The following RASAL1 variants were observed in gnomAD, a reference collection of about 807,000 sequenced individuals.
RASAL1 encodes the protein rasGAP-activating-like protein 1.
In RASAL1, 72 loss-of-function variants were observed where a neutral mutation model predicts 96.6. The observed-to-expected ratio is 0.75, with a 90% CI of 0.62 to 0.91. The LOEUF (loss-of-function observed/expected upper bound fraction) is 0.91, where lower values mean the gene tolerates loss of function less well. Ranked by LOEUF, RASAL1 falls within the 40% of genes least tolerant of loss-of-function variation. The pLI, the probability that RASAL1 is intolerant of heterozygous loss-of-function variation, is 0.00. For missense variants in RASAL1, 1,016 were observed against 1,072.5 expected (o/e 0.95, Z 0.74); for synonymous variants, 405 against 430.4 (o/e 0.94, Z 0.73).
chr12:113,103,379 G>A (rs1950529599), intron 18 of RASAL1, among the ~76,000 whole-genome samples: 1 of 152,084 alleles, frequency 6.6e-6, no homozygotes, highest in Non-Finnish European at 1.5e-5. Context: ...GCCGAGGAGG[G>A]CTTATCACCT....
In RASAL1 at chr12:113,117,098, A is replaced by G; in HGVS notation, c.706T>C (p.Phe236Leu). ...PPKGWFRLLP[F>L]PRAEEDSGGN... ...CCAGAATCCTCCTCGGCTCTGGGAA[A>G]GGGCAGGAGGCGGAACCAGCCTTTA... The change falls in exon 8 of 21, where the codon TTT (phenylalanine) becomes CTT (leucine). Residue 236 changes from phenylalanine to leucine, a missense_variant. Phe to Leu is a conservative substitution (Grantham distance 22, BLOSUM62 0). Coordinates refer to ENST00000548055, the MANE Select transcript of RASAL1 (RefSeq NM_001301202.2). The G allele has an allele frequency of 6.2e-7, 1 of 1,609,278 alleles. No individual in the cohort carries two copies. The highest frequency in any genetic ancestry group is 8.5e-7 in the Non-Finnish European group (1 of 1,176,512).
rs2305908 is a variant in RASAL1 at position 113,128,084 on chromosome 12, G to A, written c.217C>T (p.Leu73=). 6.3e-3 allele frequency: 10,218 copies of A among 1,613,904 alleles called. 758 individuals carry two copies. The East Asian group carries it at 0.18, about 28-fold the overall frequency. ...ACAAACCCGACAGTGTCCTCATCCA[G>A]CACGTAGAAGGCCAGCTGGTGGAAA... The part of the protein sequence containing the change: ...LDFHQLAFYV[L]DEDTVGHDDI... Residue 73 remains leucine (L), a synonymous_variant, in exon 3 of 21, where the codon CTG becomes TTG. Transcript: ENST00000548055.
At chr12:113,105,636 T>C in intron 16 of RASAL1, 78 bp downstream of exon 16, 1 of 1,444,108 alleles carries the variant, frequency 6.9e-7, no homozygotes, top group Non-Finnish European at 9.3e-7. Context: ...GGGCCTCAGT[T>C]TCCCCCTGGG....
chr12:113,112,314 A>G, intron 12 of RASAL1, 36 bp from the exon 13 acceptor site: 2 of 1,247,260 alleles, frequency 1.6e-6, no homozygotes, highest in Middle Eastern at 4.2e-4. Context: ...GCCTCGGGGC[A>G]CAACATCTGC....
In RASAL1 at chr12:113,100,678, A is replaced by G. The variant is rs373150116; in HGVS notation, c.2228T>C (p.Leu743Pro). Residue 743 changes from leucine (L) to proline (P), a missense_variant and splice_region_variant, in exon 20 of 21, where the codon CTG becomes CCG. Leu to Pro is a moderately conservative substitution (Grantham distance 98, BLOSUM62 -3). Coordinates refer to ENST00000548055, the MANE Select transcript of RASAL1 (RefSeq NM_001301202.2). ...QLLLGRDQLR[L>P]KLLEDSNMDT... ...CATGTTAGAATCCTCCAGTAATTTC[A>G]GCCTGGAAGGTAAGAGGGAGAAAGA... is the stretch of plus-strand genomic sequence containing the variant. The G allele has an allele frequency of 5.6e-6, 9 of 1,608,606 alleles. No individual in the cohort carries two copies. The highest frequency in any genetic ancestry group is 1.3e-5 in the African/African-American group (1 of 74,788).
rs73207027 is a variant in RASAL1, at chr12:113,121,642, A to G, written c.299-4T>C. The G allele has an allele frequency of 0.14, 231,093 of 1,613,884 alleles. 17,764 individuals carry two copies. Among genetic ancestry groups the G allele is most frequent in the Middle Eastern group, 0.17 (1,033 of 6,062 alleles). Reference sequence around the variant, plus strand: ...AAGTTAATCCAGCTGTCAATCCCTGAAGGGCACAGGCACTAACATTTATGA... The same window carrying G: ...AAGTTAATCCAGCTGTCAATCCCTGGAGGGCACAGGCACTAACATTTATGA... On this transcript the variant is annotated splice_region_variant and splice_polypyrimidine_tract_variant and intron_variant, in intron 4 of 20. Coordinates refer to ENST00000548055, the MANE Select transcript of RASAL1 (RefSeq NM_001301202.2).
chr12:113,122,427 G>A (rs773884790), intron 4 of RASAL1, among the ~76,000 whole-genome samples: 11 of 152,132 alleles, frequency 7.2e-5, no homozygotes, highest in Non-Finnish European at 1.0e-4. Context: ...AGGCTTAAGC[G>A]ATCCTCCTGC....
intron 14 of RASAL1, chr12:113,107,442 G>A (rs576309819): frequency 1.2e-5 from 8 of 666,230 alleles, no homozygotes; most frequent in Non-Finnish European, 1.8e-5. Context: ...GGCCAACATG[G>A]TGATACCTCA....
Position 113,125,957 on chromosome 12 carries a change from T to C in RASAL1, c.298+1855A>G, listed in dbSNP as rs1248417324. On this transcript the variant is annotated intron_variant, in intron 4 of 20. Transcript: ENST00000548055. ...TGCGGAAACTCTGAGACCACTGTTATAGGAAGATCTCAGAGATACTTAGTG... is the reference window on the plus strand; with the variant it reads ...TGCGGAAACTCTGAGACCACTGTTACAGGAAGATCTCAGAGATACTTAGTG... Among the ~76,000 whole-genome samples the C allele has an allele frequency of 2.6e-5, 4 of 152,304 alleles. 1 individual carries two copies. In the Middle Eastern group the frequency reaches 0.01, roughly 389 times the overall value.
At chr12:113,127,975 C>G in intron 3 of RASAL1, 90 bp downstream of exon 3, 1 of 1,564,552 alleles carries the variant, frequency 6.4e-7, no homozygotes, top group Non-Finnish European at 8.8e-7. Context: ...AGGGCACACC[C>G]TCGTGGGCTG....
chr12:113,126,005 C>A (rs1393022797), intron 4 of RASAL1, among the ~76,000 whole-genome samples: 1 of 152,230 alleles, frequency 6.6e-6, no homozygotes, highest in African/African-American at 2.4e-5. Context: ...AAGGTACAGG[C>A]CGGGTGCAGT....
chr12:113,100,201 A>C, intron 20 of RASAL1, 133 bp from the exon 21 acceptor site: 1 of 1,041,716 alleles, frequency 9.6e-7, no homozygotes, highest in Non-Finnish European at 1.4e-6. Context: ...GAATCCCCAC[A>C]CACAGCCCTG....
intron 2 of RASAL1, 58 bp from the exon 3 acceptor site, chr12:113,128,236 GGA>G: frequency 1.1e-6 from 1 of 920,524 alleles, no homozygotes; most frequent in Non-Finnish European, 1.7e-6. Context: ...GCAGACACCT[GGA>G]GACCCAGACA....
At chr12:113,121,715 A>C in intron 4 of RASAL1, 77 bp from the exon 5 acceptor site, 9 of 1,491,594 alleles carry the variant, frequency 6.0e-6, no homozygotes, top group Admixed American at 2.0e-5. Flanking sequence ...AATTCAATTA[A>C]CATTATTTTC....
At chr12:113,107,959 G>T in intron 14 of RASAL1, 126 bp downstream of exon 14, 2 of 1,112,322 alleles carry the variant, frequency 1.8e-6, no homozygotes, top group Non-Finnish European at 2.5e-6. Context: ...TAACGGTGGT[G>T]TTTCAGACTT....
intron 13 of RASAL1, among the ~76,000 whole-genome samples, chr12:113,111,687 G>A (rs1019346498): frequency 6.6e-6 from 1 of 152,134 alleles, no homozygotes; most frequent in Non-Finnish European, 1.5e-5. Context: ...TCTGTCTCCT[G>A]GCTTCAAGCG....
At chr12:113,125,877 T>C (rs1951461788) in intron 4 of RASAL1, among the ~76,000 whole-genome samples, 1 of 152,124 alleles carries the variant, frequency 6.6e-6, no homozygotes, top group South Asian at 2.1e-4. Context: ...ACTAGCCAAA[T>C]AAACAATGGT....
At position 113,104,281 on chromosome 12, in the gene RASAL1, G is replaced by A. The variant is rs1950568701; in HGVS notation, c.1848C>T (p.Pro616=). 1.9e-6 allele frequency: 3 copies of A among 1,575,704 alleles called. No homozygotes were observed. In the African/African-American group the frequency reaches 4.0e-5, roughly 21 times the overall value. The change falls in exon 17 of 21, where the codon CCC becomes CCT. Residue 616 remains proline (P), a synonymous_variant. Transcript: ENST00000548055. ...SPEWQMCHSI[P]VSHIRAVERV... is the part of the protein sequence containing the mutation. Reference sequence around the variant, plus strand: ...GCTCCACGGCGCGGATGTGAGACACGGGGATGGAGTGACACATCTGGGGAA... The same window carrying A: ...GCTCCACGGCGCGGATGTGAGACACAGGGATGGAGTGACACATCTGGGGAA...
rs149378240 is a variant in RASAL1 at position 113,115,065 on chromosome 12, G to A, written c.1068+135C>T. On this transcript the variant is annotated intron_variant, in intron 11 of 20. Coordinates refer to ENST00000548055, the MANE Select transcript of RASAL1 (RefSeq NM_001301202.2). The surrounding 1 kb of genome is among the most constrained non-coding windows in gnomAD (Gnocchi z 4.1). ...TCCAGGTGCAACTCAGGGCAAGGCC[G>A]GGCACCAGCCGCCAGCACTGCAGCT... The A allele has an allele frequency of 4.0e-5, 46 of 1,142,232 alleles. No individual in the cohort carries two copies. The highest frequency in any genetic ancestry group is 4.0e-4 in the East Asian group (17 of 42,648). The allele number at this position is 1,142,232 out of a possible 1,614,324, so 70.8% of individuals were successfully genotyped here. A position where few individuals can be genotyped will look rare whatever the true frequency, so the allele number is the denominator to read the frequency against.
Sources: allele counts gnomAD v4.1 joint callset (sites outside exome capture counted in the v4.1 genomes callset), GRCh38; gene constraint gnomAD v4.1.1; non-coding constraint Gnocchi (gnomAD v3.1); transcripts MANE v1.5; gene names NCBI Gene and HGNC (gene_info 2026-07-23, HGNC 2026-07-21).